ANKFN1: variants seen among roughly 807,000 people sequenced by gnomAD.
ANKFN1 encodes the protein ankyrin repeat and fibronectin type-III domain-containing protein 1.
ANKFN1 carries 74 observed loss-of-function variants against 108.7 expected under a neutral mutation model. That is an observed-to-expected ratio of 0.68 (90% CI 0.56 to 0.83). ANKFN1 has a LOEUF of 0.83. Among genes scored for constraint, ANKFN1 ranks in the 40% least tolerant of loss-of-function variants. The probability of loss-of-function intolerance (pLI) is 0.00; values close to 1 mark genes in which losing one functional copy is unlikely to be tolerated. For synonymous variants in ANKFN1, 547 were observed against 516.2 expected (o/e 1.06, Z -0.81); for missense variants, 1,505 against 1,382.3 (o/e 1.09, Z -1.41).
chr17:56,319,469 A>T (rs1247033954), intron 3 of ANKFN1, among the ~76,000 whole-genome samples: 1 of 152,232 alleles, frequency 6.6e-6, no homozygotes, highest in Non-Finnish European at 1.5e-5. Flanking sequence ...ACTTCCCCAG[A>T]GGAACGGCCA....
chr17:56,104,005 C>T (rs1035210266), intron 4 of ANKFN1, among the ~76,000 whole-genome samples: 1 of 152,132 alleles, frequency 6.6e-6, no homozygotes, highest in African/African-American at 2.4e-5. Flanking sequence ...TATAAATATT[C>T]TCTGATGTGG....
chr17:56,219,942 T>C (rs777987516), intron 2 of ANKFN1, among the ~76,000 whole-genome samples: 1 of 152,256 alleles, frequency 6.6e-6, no homozygotes, highest in Non-Finnish European at 1.5e-5. Context: ...TGCAGTAACA[T>C]TGAAGTCAGA....
At chr17:56,226,512 G>T (rs1016746467) in intron 2 of ANKFN1, among the ~76,000 whole-genome samples, 1 of 152,172 alleles carries the variant, frequency 6.6e-6, no homozygotes, top group Non-Finnish European at 1.5e-5. Context: ...ATATTGAGTA[G>T]TTGGAGGAAT....
intron 4 of ANKFN1, among the ~76,000 whole-genome samples, chr17:56,072,836 G>A (rs1209470465): frequency 6.6e-6 from 1 of 152,120 alleles, no homozygotes; most frequent in East Asian, 1.9e-4. Context: ...GGTGGGGAAA[G>A]GGAAAGGAAT....
chr17:56,121,620 G>T (rs1402472612), intron 4 of ANKFN1, among the ~76,000 whole-genome samples: 1 of 151,810 alleles, frequency 6.6e-6, no homozygotes, highest in African/African-American at 2.4e-5. Flanking sequence ...GAGAGTGCTA[G>T]GGGAAAAAAA....
At chr17:56,195,245 A>C (rs1487023406) in intron 1 of ANKFN1, 1 of 152,246 alleles carries the variant, frequency 6.6e-6, no homozygotes, top group Admixed American at 6.5e-5. Context: ...CAATACAAAT[A>C]GAACATTTAC....
chr17:56,130,536 C>T (rs1244564168), intron 4 of ANKFN1, among the ~76,000 whole-genome samples: 1 of 151,904 alleles, frequency 6.6e-6, no homozygotes, highest in East Asian at 1.9e-4. Flanking sequence ...GCATCTTTCC[C>T]TTATAAATAT....
intron 7 of ANKFN1, among the ~76,000 whole-genome samples, chr17:56,373,297 C>G (rs2046860570): frequency 6.6e-6 from 1 of 152,218 alleles, no homozygotes; most frequent in African/African-American, 2.4e-5. Context: ...TCAGTTAACA[C>G]AGGCAACCGA....
intron 4 of ANKFN1, among the ~76,000 whole-genome samples, chr17:56,102,751 T>C (rs1273772259): frequency 4.6e-5 from 7 of 152,124 alleles, no homozygotes; most frequent in Non-Finnish European, 1.0e-4. Context: ...TATAACATCA[T>C]CATTTTTATT....
chr17:56,230,504 TG>T (rs1409186764), intron 3 of ANKFN1, among the ~76,000 whole-genome samples: 9 of 152,112 alleles, frequency 5.9e-5, no homozygotes, highest in Admixed American at 2.6e-4. Flanking sequence ...CCTGTTTTAG[TG>T]GGAGTCCTTG....
chr17:56,171,465 G>A (rs1271118448), intron 1 of ANKFN1, among the ~76,000 whole-genome samples: 1 of 152,192 alleles, frequency 6.6e-6, no homozygotes, highest in African/African-American at 2.4e-5. Flanking sequence ...TAAAACAGCA[G>A]TGTGATGAGC....
In ANKFN1 at chr17:56,467,802, G is replaced by A. The variant is rs867991313; in HGVS notation, c.1773+1231G>A. Among the ~76,000 whole-genome samples the A allele has an allele frequency of 2.2e-4, 7 of 31,248 alleles. 1 individual carries two copies. The highest frequency in any genetic ancestry group is 6.3e-4 in the African/African-American group (7 of 11,166). The allele number at this position is 31,248 out of a possible 152,430, so 20.5% of individuals were successfully genotyped here. ...AAGAAAGAAAGAAAGAAGAAAGAAA[G>A]AAAGAAAGAAAGAAAGAAAGAAAGA... On this transcript the variant is annotated intron_variant, in intron 15 of 20. Coordinates refer to ENST00000682825, the MANE Select transcript of ANKFN1 (RefSeq NM_001370326.1).
intron 3 of ANKFN1, among the ~76,000 whole-genome samples, chr17:56,315,741 T>C (rs11079216): frequency 0.64 from 97,093 of 152,046 alleles, 32,313 homozygotes; most frequent in East Asian, 0.94. Flanking sequence ...CCATTCAGAC[T>C]CTGCTCTATC....
At chr17:56,376,767 T>G (rs2046959714) in intron 8 of ANKFN1, among the ~76,000 whole-genome samples, 1 of 152,194 alleles carries the variant, frequency 6.6e-6, no homozygotes, top group South Asian at 2.1e-4. Context: ...TGTTAGAGAC[T>G]GGAGGGGATT....
Position 56,510,669 on chromosome 17 carries a change from C to T in ANKFN1, c.2841C>T (p.Thr947=). 6.5e-7 allele frequency: 1 copy of T among 1,536,180 alleles called. No individual in the cohort carries two copies. The highest frequency in any genetic ancestry group is 8.7e-7 in the Non-Finnish European group (1 of 1,146,916). Residue 947 remains threonine (T), a synonymous_variant, in exon 21 of 21, where the codon ACC becomes ACT. Coordinates refer to ENST00000682825, the MANE Select transcript of ANKFN1 (RefSeq NM_001370326.1). ...TCCTGCAAGTGCACGACGTGAAAACCCCTCTGGGGCCGGGCCAGGATCCCC... is the reference window on the plus strand; with the variant it reads ...TCCTGCAAGTGCACGACGTGAAAACTCCTCTGGGGCCGGGCCAGGATCCCC... The part of the protein sequence containing the change: ...PDVLQVHDVK[T]PLGPGQDPQG...
At chr17:56,486,435 T>C (rs1436637389) in intron 18 of ANKFN1, among the ~76,000 whole-genome samples, 4 of 152,226 alleles carry the variant, frequency 2.6e-5, no homozygotes, top group African/African-American at 4.8e-5. Flanking sequence ...AAAACACTTC[T>C]GGGCCTTGGT....
intron 4 of ANKFN1, among the ~76,000 whole-genome samples, chr17:56,048,704 A>G (rs1452204441): frequency 6.6e-6 from 1 of 152,238 alleles, no homozygotes; most frequent in African/African-American, 2.4e-5. Flanking sequence ...GAAAGGTAGA[A>G]GATCTCTATC....
At chr17:56,243,242 T>G (rs1201023627) in intron 3 of ANKFN1, among the ~76,000 whole-genome samples, 2 of 152,218 alleles carry the variant, frequency 1.3e-5, no homozygotes, top group Non-Finnish European at 2.9e-5. Flanking sequence ...TCTTCCTCCC[T>G]CCATCTCACT....
chr17:56,120,328 G>A (rs1324200849), intron 4 of ANKFN1, among the ~76,000 whole-genome samples: 1 of 152,042 alleles, frequency 6.6e-6, no homozygotes, highest in Admixed American at 6.6e-5. Flanking sequence ...GTTCTCTTAT[G>A]CCTATCCTCT....
Sources: allele counts gnomAD v4.1 joint callset (sites outside exome capture counted in the v4.1 genomes callset), GRCh38; gene constraint gnomAD v4.1.1; transcripts MANE v1.5; gene names NCBI Gene and HGNC (gene_info 2026-07-23, HGNC 2026-07-21).